The following VWA3A variants were observed in gnomAD, a reference collection of about 807,000 sequenced individuals.
The protein encoded by VWA3A is von Willebrand factor A domain-containing protein 3A.
A neutral mutation model predicts 160.4 loss-of-function variants in VWA3A; 134 were observed. The observed-to-expected ratio is 0.84, with a 90% CI of 0.73 to 0.96. VWA3A has a LOEUF of 0.96. Among genes scored for constraint, VWA3A ranks in the 40% least tolerant of loss-of-function variants. The pLI is 0.00. For missense variants in VWA3A, 1,310 were observed against 1,447.9 expected (o/e 0.90, Z 1.55); for synonymous variants, 476 against 543.4 (o/e 0.88, Z 1.72).
intron 6 of VWA3A, among the ~76,000 whole-genome samples, chr16:22,103,892 A>G (rs1481213652): frequency 1.3e-5 from 2 of 152,204 alleles, no homozygotes; most frequent in Non-Finnish European, 2.9e-5. Flanking sequence ...CATCATAGCC[A>G]AGGAGATGAA....
intron 8 of VWA3A, among the ~76,000 whole-genome samples, chr16:22,112,747 A>C (rs886155233): frequency 1.3e-5 from 2 of 152,090 alleles, no homozygotes; most frequent in Non-Finnish European, 2.9e-5. Flanking sequence ...TAAAAAAAAA[A>C]GCATGTGCTT....
intron 6 of VWA3A, 129 bp downstream of exon 6, chr16:22,103,658 T>A: frequency 9.3e-7 from 1 of 1,074,516 alleles, no homozygotes; most frequent in Non-Finnish European, 1.3e-6. Context: ...TTTACTAACC[T>A]AAGTAAATGA....
chr16:22,144,780 G>T (rs1199051008), intron 26 of VWA3A, among the ~76,000 whole-genome samples: 3 of 152,028 alleles, frequency 2.0e-5, no homozygotes, highest in African/African-American at 7.2e-5. Flanking sequence ...GCCAGGTGCA[G>T]CTGTGTGCCT....
chr16:22,134,159 G>T (rs747039934), intron 20 of VWA3A, among the ~76,000 whole-genome samples: 6 of 151,836 alleles, frequency 4.0e-5, no homozygotes, highest in Non-Finnish European at 8.8e-5. Context: ...ATAGAGAAGG[G>T]GTCTCACTAT....
At chr16:22,119,438 A>G (rs989362533) in intron 12 of VWA3A, among the ~76,000 whole-genome samples, 1 of 152,238 alleles carries the variant, frequency 6.6e-6, no homozygotes, top group Non-Finnish European at 1.5e-5. Flanking sequence ...TGGGAGGCCA[A>G]GGCCAGAGAA....
At chr16:22,132,553 A>T (rs1329522955) in intron 19 of VWA3A, among the ~76,000 whole-genome samples, 1 of 151,968 alleles carries the variant, frequency 6.6e-6, no homozygotes, top group Non-Finnish European at 1.5e-5. Flanking sequence ...GTCTCTTTAA[A>T]ATACATACAT....
intron 14 of VWA3A, 45 bp downstream of exon 14, chr16:22,121,662 C>T (rs901638345): frequency 1.4e-6 from 2 of 1,459,758 alleles, no homozygotes; most frequent in Non-Finnish European, 1.9e-6. Flanking sequence ...CAGGAGAGCT[C>T]CCTTGTGGCT....
intron 25 of VWA3A, among the ~76,000 whole-genome samples, chr16:22,143,120 A>G (rs2046182891): frequency 6.8e-6 from 1 of 147,098 alleles, no homozygotes; most frequent in Admixed American, 6.7e-5. Context: ...GCTGCACTCC[A>G]GCCTGGGTGA....
intron 16 of VWA3A, 131 bp downstream of exon 16, chr16:22,123,838 A>C (rs1291082624): frequency 2.4e-6 from 2 of 816,472 alleles, no homozygotes; most frequent in East Asian, 5.3e-5. Context: ...ATCTCTCAGC[A>C]GAACCCCCAG....
Position 22,148,166 on chromosome 16 carries a change from C to T in VWA3A, c.2844C>T (p.Ser948=). Residue 948 remains serine, a synonymous_variant, in exon 28 of 34, where the codon AGC becomes AGT. Transcript: ENST00000389398. ...TCCCCACCTGTCTCGGAGCAGGGAG[C>T]CGCCGACTGTTTGGCACCGTTTTGG... is the stretch of plus-strand genomic sequence containing the variant. ...VQRLQWLLSG[S]RRLFGTVLES... 1 of 1,598,402 alleles carries T rather than the reference C, an allele frequency of 6.3e-7. No individual in the cohort carries two copies. The highest frequency in any genetic ancestry group is 1.3e-5 in the African/African-American group (1 of 74,684).
At chr16:22,131,484 C>T in intron 18 of VWA3A, 101 bp from the exon 19 acceptor site, 1 of 1,526,282 alleles carries the variant, frequency 6.6e-7, no homozygotes, top group South Asian at 1.2e-5. Flanking sequence ...ATGACATCGA[C>T]TCCATCACGT....
intron 15 of VWA3A, 63 bp downstream of exon 15, chr16:22,123,228 C>T: frequency 6.8e-7 from 1 of 1,468,438 alleles, no homozygotes. Flanking sequence ...GAGGAAGGTT[C>T]CCTGGGCTAT....
chr16:22,137,315 G>A lies in VWA3A; in HGVS notation c.2140-1045G>A, dbSNP rs539257368. ...GCTGTTGAGAAAATCGTAGGCAAAA[G>A]GCATTGAGTATTACACCATTAGTCT... On this transcript the variant is annotated intron_variant, in intron 21 of 33. Coordinates refer to ENST00000389398, the MANE Select transcript of VWA3A (RefSeq NM_173615.5). 2.4e-3 allele frequency among the ~76,000 whole-genome samples: 367 copies of A among 152,272 alleles called. 1 individual carries two copies. Among genetic ancestry groups the A allele is most frequent in the Non-Finnish European group, 4.3e-3 (295 of 68,028 alleles).
chr16:22,103,542 G>C lies in VWA3A; in HGVS notation c.483+13G>C. Reference sequence around the variant, plus strand: ...AAACAGCAAGAAGGTAACGGGCATAGATTTCATTCTTTGCCCCCTTTCACT... The same window carrying C: ...AAACAGCAAGAAGGTAACGGGCATACATTTCATTCTTTGCCCCCTTTCACT... On this transcript the variant is annotated intron_variant, in intron 6 of 33. Transcript: ENST00000389398. 6.4e-7 allele frequency: 1 copy of C among 1,551,564 alleles called. No homozygotes were observed. Among genetic ancestry groups the C allele is most frequent in the Non-Finnish European group, 8.7e-7 (1 of 1,146,914 alleles).
chr16:22,109,848 C>A (rs1018102259), intron 7 of VWA3A, among the ~76,000 whole-genome samples: 1 of 152,258 alleles, frequency 6.6e-6, no homozygotes, highest in Non-Finnish European at 1.5e-5. Flanking sequence ...AGAGCTCCCA[C>A]GTTTCCCTGG....
At chr16:22,116,207 A>C (rs2045641951) in intron 9 of VWA3A, 1 of 363,574 alleles carries the variant, frequency 2.8e-6, no homozygotes, top group East Asian at 8.6e-5. Context: ...AGAGAAAGGA[A>C]AGAAGGAAGA....
At chr16:22,145,594 G>A (rs1230451899) in intron 26 of VWA3A, among the ~76,000 whole-genome samples, 4 of 149,610 alleles carry the variant, frequency 2.7e-5, no homozygotes, top group South Asian at 2.1e-4. Context: ...AGCCGAGATC[G>A]CACCACTGCA....
Position 22,117,175 on chromosome 16 carries a change from AG to A in VWA3A, c.990+1del, listed in dbSNP as rs1265499387. 1 of 1,577,276 alleles carries A rather than the reference AG, an allele frequency of 6.3e-7. No homozygotes were observed. The highest frequency in any genetic ancestry group is 1.3e-5 in the African/African-American group (1 of 74,140). ...GYYHCYSPKM[E>X]HYTSRDMDEL... ...TACCACTGCTACAGCCCAAAGATGG[AG>A]GTAAGCCCTTCTGTCAACACATGGC... On this transcript the variant is annotated frameshift_variant and splice_region_variant, in exon 11 of 34. Transcript: ENST00000389398. LOFTEE classifies it high-confidence loss of function.
intron 25 of VWA3A, among the ~76,000 whole-genome samples, chr16:22,143,544 T>G (rs1364556667): frequency 6.6e-6 from 1 of 152,140 alleles, no homozygotes; most frequent in Non-Finnish European, 1.5e-5. Context: ...CCTAATTGGC[T>G]TAGAGTCTAA....
Sources: allele counts gnomAD v4.1 joint callset (sites outside exome capture counted in the v4.1 genomes callset), GRCh38; gene constraint gnomAD v4.1.1; transcripts MANE v1.5; gene names NCBI Gene and HGNC (gene_info 2026-07-23, HGNC 2026-07-21).